The following PSMD1 variants were observed in gnomAD, a reference collection of about 807,000 sequenced individuals.
The protein encoded by PSMD1 is proteasome 26S subunit, non-ATPase 1.
PSMD1 carries 18 observed loss-of-function variants against 119.0 expected under a neutral mutation model. The observed-to-expected ratio is 0.15, with a 90% CI of 0.10 to 0.22. The LOEUF is 0.22. PSMD1 is among the 10% of genes least tolerant of loss of function. The pLI is 1.00. For synonymous variants in PSMD1, 374 were observed against 396.6 expected, an observed-to-expected ratio of 0.94 and a Z score of 0.68; for missense variants, 702 against 1,158.5, an observed-to-expected ratio of 0.61 and a Z score of 5.72.
At chr2:231,153,827 G>C (rs1392971398) in intron 19 of PSMD1, among the ~76,000 whole-genome samples, 161 bp downstream of exon 19, 1 of 152,124 alleles carries the variant, frequency 6.6e-6, no homozygotes, top group African/African-American at 2.4e-5. Flanking sequence ...ACATTTAAGA[G>C]TACAGGCCGG....
intron 19 of PSMD1, among the ~76,000 whole-genome samples, chr2:231,154,999 G>A (rs1009865753): frequency 6.6e-6 from 1 of 152,178 alleles, no homozygotes; most frequent in African/African-American, 2.4e-5. Context: ...AGATAGAGTG[G>A]TGGGCTTTAG....
Position 231,161,413 on chromosome 2 carries a change from T to G in PSMD1, c.2292T>G (p.Leu764=), listed in dbSNP as rs1280641913. Residue 764 remains leucine (L), a synonymous_variant, in exon 20 of 25, where the codon CTT becomes CTG. Coordinates refer to ENST00000308696, the MANE Select transcript of PSMD1 (RefSeq NM_002807.4). ...ATATGCCTTCTGTGGTTGGCGTCCTTGTATTTACCCAGTTTTGGTTCTGGT... is the reference window on the plus strand; with the variant it reads ...ATATGCCTTCTGTGGTTGGCGTCCTGGTATTTACCCAGTTTTGGTTCTGGT... ...HTHMPSVVGV[L]VFTQFWFWFP... is the part of the protein sequence containing the mutation. 5.6e-6 allele frequency: 9 copies of G among 1,613,822 alleles called. No individual in the cohort carries two copies. Among genetic ancestry groups the G allele is most frequent in the Non-Finnish European group, 6.8e-6 (8 of 1,179,836 alleles).
intron 16 of PSMD1, chr2:231,113,657 A>G: frequency 7.5e-7 from 1 of 1,326,132 alleles, no homozygotes; most frequent in Admixed American, 1.7e-5. Flanking sequence ...TGCCTACCAG[A>G]CCTGGTATTC....
At chr2:231,161,285 A>T in intron 19 of PSMD1, 55 bp from the exon 20 acceptor site, 1 of 1,389,978 alleles carries the variant, frequency 7.2e-7, no homozygotes, top group Non-Finnish European at 9.8e-7. Context: ...TTATTGTCCT[A>T]CTATAATAAT....
intron 4 of PSMD1, among the ~76,000 whole-genome samples, chr2:231,065,421 T>A (rs78890542): frequency 0.19 from 28,118 of 150,480 alleles, 2,827 homozygotes; most frequent in African/African-American, 0.23. Flanking sequence ...GCCTCCCGAG[T>A]AGCTGGGACT....
chr2:231,112,513 A>G (rs1695186012), intron 16 of PSMD1, among the ~76,000 whole-genome samples: 1 of 152,212 alleles, frequency 6.6e-6, no homozygotes, highest in South Asian at 2.1e-4. Flanking sequence ...TATGAAGGTC[A>G]ATCTCATTGT....
rs1179491921 is a variant in PSMD1 at position 231,085,255 on chromosome 2, A to T, written c.1818+141A>T. ...TTGTGATTCTCATTTACTGGACCCA[A>T]CAGGCCATAACCTAGCACTAGATTC... On this transcript the variant is annotated intron_variant, in intron 15 of 24. Coordinates refer to ENST00000308696, the MANE Select transcript of PSMD1 (RefSeq NM_002807.4). The T allele has an allele frequency of 1.3e-5, 9 of 686,312 alleles. No individual in the cohort carries two copies. In the Admixed American group the frequency reaches 1.8e-4, roughly 14 times the overall value. The allele number at this position is 686,312 out of a possible 1,614,324, so 42.5% of individuals were successfully genotyped here.
chr2:231,118,112 G>A (rs1549339), intron 16 of PSMD1, among the ~76,000 whole-genome samples: 65,927 of 149,610 alleles, frequency 0.44, 15,833 homozygotes, highest in African/African-American at 0.65. Flanking sequence ...TCTGTCCTCT[G>A]TAAAGTGGGG....
At position 231,075,535 on chromosome 2, in the gene PSMD1, G is replaced by C; in HGVS notation, c.906G>C (p.Lys302Asn). 2 of 1,611,910 alleles carry C rather than the reference G, an allele frequency of 1.2e-6. No homozygotes were observed. The highest frequency in any genetic ancestry group is 1.7e-6 in the Non-Finnish European group (2 of 1,179,310). The change falls in exon 8 of 25, where the codon AAG (lysine) becomes AAC (asparagine). Residue 302 changes from lysine to asparagine, a missense_variant. By Grantham distance (94) the Lys-to-Asn change is moderately conservative (BLOSUM62 0). This residue lies in a region of PSMD1 where 69 missense variants were observed against 71.6 expected (regional missense o/e 0.96). Coordinates refer to ENST00000308696, the MANE Select transcript of PSMD1 (RefSeq NM_002807.4). ...KDSDSMETEE[K>N]TSSAFVGKTP... ...GTGACTCGATGGAAACAGAAGAAAA[G>C]ACAAGCAGTGCATTTGTAGGAAAGA... is the stretch of plus-strand genomic sequence containing the variant.
At chr2:231,085,254 A>G in intron 15 of PSMD1, 140 bp downstream of exon 15, 1 of 686,400 alleles carries the variant, frequency 1.5e-6, no homozygotes, top group Non-Finnish European at 2.6e-6. Context: ...TACTGGACCC[A>G]ACAGGCCATA....
chr2:231,148,979 T>C (rs1171960859), intron 18 of PSMD1, among the ~76,000 whole-genome samples: 1 of 152,130 alleles, frequency 6.6e-6, no homozygotes, highest in Non-Finnish European at 1.5e-5. Context: ...GGCTCAAAAA[T>C]AAAGATCAAA....
intron 18 of PSMD1, among the ~76,000 whole-genome samples, chr2:231,146,807 A>G (rs1426594360): frequency 6.6e-6 from 1 of 152,230 alleles, no homozygotes; most frequent in Non-Finnish European, 1.5e-5. Flanking sequence ...TAGTTTAGAA[A>G]TGAGTACATC....
At chr2:231,081,793 T>TCTGACCTCATTTTCAACCA (rs1694315169) in intron 12 of PSMD1, among the ~76,000 whole-genome samples, 1 of 152,222 alleles carries the variant, frequency 6.6e-6, no homozygotes, top group Admixed American at 6.5e-5. Flanking sequence ...TCAGAGGTAC[T>TCTGACCTCATTTTCAACCA]CTGACCTCAT....
chr2:231,148,807 C>G (rs1458035428), intron 18 of PSMD1, among the ~76,000 whole-genome samples: 3 of 152,146 alleles, frequency 2.0e-5, no homozygotes, highest in Non-Finnish European at 4.4e-5. Context: ...TTTCCTTTAT[C>G]TGATAATTGC....
At chr2:231,136,945 T>C (rs1415436456) in intron 16 of PSMD1, among the ~76,000 whole-genome samples, 1 of 144,920 alleles carries the variant, frequency 6.9e-6, no homozygotes, top group African/African-American at 2.5e-5. Context: ...TAATATATAT[T>C]ATATTTACAT....
At chr2:231,068,501 CTGT>C (rs1168982663) in intron 5 of PSMD1, among the ~76,000 whole-genome samples, 1 of 152,144 alleles carries the variant, frequency 6.6e-6, no homozygotes, top group Admixed American at 6.5e-5. Context: ...GTTTTGCTCT[CTGT>C]GGTTTCAGTT....
intron 24 of PSMD1, among the ~76,000 whole-genome samples, chr2:231,172,169 G>A (rs10498256): frequency 0.15 from 22,442 of 152,166 alleles, 3,433 homozygotes; most frequent in African/African-American, 0.39. Flanking sequence ...ACAGTACAGC[G>A]TAGGCTATCA....
intron 7 of PSMD1, 107 bp from the exon 8 acceptor site, chr2:231,075,404 T>C (rs896862784): frequency 1.0e-6 from 1 of 982,698 alleles, no homozygotes; most frequent in Non-Finnish European, 1.5e-6. Context: ...AATACTTTAG[T>C]AAACATTATT....
chr2:231,146,154 G>C, intron 17 of PSMD1, 86 bp from the exon 18 acceptor site: 1 of 880,148 alleles, frequency 1.1e-6, no homozygotes, highest in Admixed American at 1.9e-5. Flanking sequence ...TTCCCAGAAT[G>C]TCGTTACATG....
Sources: gnomAD v4.1 joint callset for allele counts (sites outside exome capture counted in the v4.1 genomes callset) on GRCh38, gnomAD v4.1.1 for gene constraint, gnomAD v4.1.1 regional missense constraint, MANE v1.5 for transcripts, NCBI Gene and HGNC (gene_info 2026-07-23, HGNC 2026-07-21) for gene names.